CDK14: variants seen among roughly 807,000 people sequenced by gnomAD.
The protein encoded by CDK14 is cyclin dependent kinase 14.
Under a neutral mutation model 60.7 loss-of-function variants are expected in CDK14, and 34 were observed. The ratio of observed to expected loss-of-function variants is 0.56; its 90% CI spans 0.43 to 0.75. CDK14 has a LOEUF of 0.75. Ranked by LOEUF, CDK14 falls within the 30% of genes least tolerant of loss-of-function variation. CDK14 has a pLI of 0.00. For missense variants in CDK14, 482 were observed against 564.1 expected, an observed-to-expected ratio of 0.85 and a Z score of 1.47; for synonymous variants, 197 against 203.7, an observed-to-expected ratio of 0.97 and a Z score of 0.28.
intron 3 of CDK14, among the ~76,000 whole-genome samples, chr7:90,731,318 A>G (rs981275924): frequency 3.3e-5 from 5 of 152,032 alleles, no homozygotes; most frequent in Admixed American, 1.3e-4. Flanking sequence ...TTTGTTTAGG[A>G]TTGTCTTGGC....
intron 6 of CDK14, among the ~76,000 whole-genome samples, chr7:90,869,712 G>T (rs1791304469): frequency 6.6e-6 from 1 of 152,182 alleles, no homozygotes; most frequent in African/African-American, 2.4e-5. Flanking sequence ...TTGGATTCTG[G>T]ATATACATTG....
intron 7 of CDK14, among the ~76,000 whole-genome samples, chr7:90,916,293 G>C (rs1793080536): frequency 6.6e-6 from 1 of 152,170 alleles, no homozygotes; most frequent in East Asian, 1.9e-4. Context: ...AGAGATGTTT[G>C]CATCCCGAGA....
At position 90,721,526 on chromosome 7, in the gene CDK14, C is replaced by T. The variant is rs79031698; in HGVS notation, c.124-5041C>T. 3.1e-3 allele frequency among the ~76,000 whole-genome samples: 474 copies of T among 152,246 alleles called. 6 individuals are homozygous for T. Among genetic ancestry groups the T allele is most frequent in the East Asian group, 0.031 (159 of 5,182 alleles). Reference sequence around the variant, plus strand: ...GGCAGATTCCTTTGTCCTTCTAGCACGATCCCTGACATTTTTGAAAGGATG... The same window carrying T: ...GGCAGATTCCTTTGTCCTTCTAGCATGATCCCTGACATTTTTGAAAGGATG... On this transcript the variant is annotated intron_variant, in intron 2 of 14. Transcript: ENST00000380050.
At chr7:90,863,011 C>T (rs1791057596) in intron 5 of CDK14, among the ~76,000 whole-genome samples, 164 bp from the exon 6 acceptor site, 1 of 152,030 alleles carries the variant, frequency 6.6e-6, no homozygotes, top group East Asian at 1.9e-4. Context: ...GAGACCCCAT[C>T]TCAAAAAAAG....
At chr7:90,813,632 C>G (rs774228733) in intron 5 of CDK14, among the ~76,000 whole-genome samples, 1 of 151,954 alleles carries the variant, frequency 6.6e-6, no homozygotes, top group Admixed American at 6.6e-5. Flanking sequence ...GCCTGTAATC[C>G]CAGCTACTTG....
intron 11 of CDK14, among the ~76,000 whole-genome samples, chr7:91,068,592 G>A (rs1049286388): frequency 5.9e-5 from 9 of 151,858 alleles, no homozygotes; most frequent in East Asian, 3.9e-4. Flanking sequence ...CCTTTCTGTC[G>A]CACTTCATTT....
chr7:91,201,866 T>G (rs548484456), intron 14 of CDK14, among the ~76,000 whole-genome samples: 1 of 152,348 alleles, frequency 6.6e-6, no homozygotes, highest in South Asian at 2.1e-4. Flanking sequence ...AAATCAGAAA[T>G]GCATGAAGTG....
chr7:90,965,498 A>G (rs1441209141), intron 9 of CDK14, among the ~76,000 whole-genome samples: 1 of 152,186 alleles, frequency 6.6e-6, no homozygotes, highest in African/African-American at 2.4e-5. Context: ...TCTTAGTTGG[A>G]GAGGGAGTCA....
intron 10 of CDK14, among the ~76,000 whole-genome samples, chr7:91,003,877 G>A (rs777650704): frequency 6.6e-6 from 1 of 152,124 alleles, no homozygotes; most frequent in Non-Finnish European, 1.5e-5. Context: ...CCATTGCCCA[G>A]GGTGGTTATT....
rs187768547 is a variant in CDK14 at position 90,659,775 on chromosome 7, T to A, written c.123+55526T>A. ...GGGCGGTGGGAAAGTTCCAAGTAAT[T>A]CAGAAAGAGCTCAGCAGTCTGGGGT... On this transcript the variant is annotated intron_variant, in intron 2 of 14. Transcript: ENST00000380050. 2.9e-4 allele frequency among the ~76,000 whole-genome samples: 43 copies of A among 150,494 alleles called. 2 individuals carry two copies. In the East Asian group the frequency reaches 7.4e-3, roughly 26 times the overall value.
chr7:90,860,756 C>T (rs914267630), intron 5 of CDK14, among the ~76,000 whole-genome samples: 2 of 152,050 alleles, frequency 1.3e-5, no homozygotes, highest in Admixed American at 1.3e-4. Flanking sequence ...ATCTCTTGAC[C>T]TTGTGATCCA....
intron 6 of CDK14, among the ~76,000 whole-genome samples, chr7:90,872,141 G>A (rs1381611199): frequency 6.6e-6 from 1 of 152,158 alleles, no homozygotes; most frequent in African/African-American, 2.4e-5. Flanking sequence ...GATCTTAGAC[G>A]AGGTAAACCT....
intron 4 of CDK14, among the ~76,000 whole-genome samples, chr7:90,785,838 C>T (rs1805558718): frequency 6.7e-6 from 1 of 148,474 alleles, no homozygotes; most frequent in Non-Finnish European, 1.5e-5. Flanking sequence ...TTTACTCCCA[C>T]AAGAAAATTT....
intron 5 of CDK14, among the ~76,000 whole-genome samples, chr7:90,830,739 C>T (rs1789888307): frequency 6.6e-6 from 1 of 152,190 alleles, no homozygotes; most frequent in Non-Finnish European, 1.5e-5. Context: ...TATGACTCTA[C>T]ACTGTTAAGA....
chr7:90,697,884 C>T (rs150419992), intron 2 of CDK14, among the ~76,000 whole-genome samples: 20,756 of 151,406 alleles, frequency 0.14, 1,720 homozygotes, highest in Middle Eastern at 0.24. Context: ...CTGGCTAACA[C>T]GGTGAAACCC....
intron 6 of CDK14, among the ~76,000 whole-genome samples, chr7:90,874,702 G>A (rs1275461846): frequency 6.8e-6 from 1 of 147,422 alleles, no homozygotes; most frequent in Non-Finnish European, 1.5e-5. Flanking sequence ...CTAATTTTTT[G>A]TATTTTTAGT....
intron 2 of CDK14, among the ~76,000 whole-genome samples, chr7:90,685,254 G>A (rs1354051355): frequency 1.3e-5 from 2 of 151,770 alleles, no homozygotes; most frequent in South Asian, 2.1e-4. Context: ...TCAAAGTGTT[G>A]CCATTATCAT....
intron 14 of CDK14, among the ~76,000 whole-genome samples, chr7:91,153,657 A>C (rs1474797801): frequency 6.6e-6 from 1 of 152,178 alleles, no homozygotes; most frequent in Non-Finnish European, 1.5e-5. Context: ...GGATGTTCTT[A>C]CTTACAAGTC....
chr7:91,013,046 G>A (rs755064260), intron 10 of CDK14, among the ~76,000 whole-genome samples: 22 of 152,136 alleles, frequency 1.4e-4, no homozygotes, highest in Non-Finnish European at 2.8e-4. Flanking sequence ...CAGCAATAAC[G>A]TGGGCATGAA....
Sources: gnomAD v4.1 joint callset for allele counts (sites outside exome capture counted in the v4.1 genomes callset) on GRCh38, gnomAD v4.1.1 for gene constraint, MANE v1.5 for transcripts, NCBI Gene and HGNC (gene_info 2026-07-23, HGNC 2026-07-21) for gene names.